Variants in RIC1 observed in about 807,000 individuals in gnomAD.
The protein encoded by RIC1 is guanine nucleotide exchange factor subunit RIC1.
A neutral mutation model predicts 169.0 loss-of-function variants in RIC1; 88 were observed. The ratio of observed to expected loss-of-function variants is 0.52; its 90% CI spans 0.44 to 0.62. RIC1 has a LOEUF of 0.62. Among genes scored for constraint, RIC1 ranks in the 20% least tolerant of loss-of-function variants. The pLI is 0.00. For missense variants in RIC1, 1,877 were observed against 1,725.5 expected, an observed-to-expected ratio of 1.09 and a Z score of -1.56; for synonymous variants, 790 against 601.5, an observed-to-expected ratio of 1.31 and a Z score of -4.59.
rs769615916 is a variant in RIC1 at position 5,690,034 on chromosome 9, C to G, written c.328C>G (p.Pro110Ala). ...GDKYLYEPVY[P>A]KGSPQMKGTP... ...CAAGTACCTTTATGAACCAGTGTAT[C>G]CCAAGTAAGTTTGTTGCCTTTCATT... Residue 110 changes from proline (P) to alanine (A), a missense_variant, in exon 3 of 26, where the codon CCC (proline) becomes GCC (alanine). Coordinates refer to ENST00000414202, the MANE Select transcript of RIC1 (RefSeq NM_020829.4). 2.5e-6 allele frequency: 4 copies of G among 1,581,708 alleles called. No homozygotes were observed. In the African/African-American group the frequency reaches 4.1e-5, roughly 16 times the overall value.
At chr9:5,648,562 A>T (rs927043606) in intron 1 of RIC1, among the ~76,000 whole-genome samples, 1 of 152,156 alleles carries the variant, frequency 6.6e-6, no homozygotes, top group Non-Finnish European at 1.5e-5. Flanking sequence ...GCTGGATCAT[A>T]TGGTAGTTCT....
intron 12 of RIC1, among the ~76,000 whole-genome samples, chr9:5,748,050 A>C (rs2131007655): frequency 6.6e-6 from 1 of 152,356 alleles, no homozygotes; most frequent in East Asian, 1.9e-4. Flanking sequence ...TTAAATTAAC[A>C]GTGTCTCACA....
At chr9:5,725,932 A>C (rs910176708) in intron 6 of RIC1, among the ~76,000 whole-genome samples, 2 of 152,154 alleles carry the variant, frequency 1.3e-5, no homozygotes, top group African/African-American at 4.8e-5. Flanking sequence ...ACAGTTGGTT[A>C]TAATTTCTGG....
At chr9:5,688,206 A>G (rs1278421090) in intron 2 of RIC1, among the ~76,000 whole-genome samples, 2 of 152,058 alleles carry the variant, frequency 1.3e-5, no homozygotes, top group South Asian at 2.1e-4. Flanking sequence ...ATTTTTCATT[A>G]TGTCTCATGT....
chr9:5,765,252 G>A, intron 19 of RIC1, 162 bp from the exon 20 acceptor site: 2 of 669,784 alleles, frequency 3.0e-6, no homozygotes, highest in Non-Finnish European at 5.1e-6. Flanking sequence ...AAGAGTACTT[G>A]CCTCGCTTTT....
rs146411263 is a variant in RIC1, at chr9:5,664,395, G to C, written c.252+7705G>C. 3.8e-3 allele frequency among the ~76,000 whole-genome samples: 582 copies of C among 151,854 alleles called. 1 individual carries two copies. Among genetic ancestry groups the C allele is most frequent in the African/African-American group, 0.013 (555 of 41,358 alleles). ...ACCACTGCACTCCAGCCTGGCAACG[G>C]AGCGAGACTCTGTCAAAAAAAAAAA... On this transcript the variant is annotated intron_variant, in intron 2 of 25. Coordinates refer to ENST00000414202, the MANE Select transcript of RIC1 (RefSeq NM_020829.4).
intron 1 of RIC1, among the ~76,000 whole-genome samples, chr9:5,649,338 A>G (rs915393819): frequency 2.6e-5 from 4 of 152,112 alleles, no homozygotes; most frequent in African/African-American, 9.7e-5. Flanking sequence ...CCAAAAATTC[A>G]AATAGATCAC....
chr9:5,666,564 G>A (rs1482237677), intron 2 of RIC1, among the ~76,000 whole-genome samples: 3 of 152,014 alleles, frequency 2.0e-5, no homozygotes, highest in Admixed American at 6.6e-5. Flanking sequence ...ATTTACTTCT[G>A]TTCTTAGTTT....
In RIC1 at chr9:5,743,624, T is replaced by C. The variant is rs1452631625; in HGVS notation, c.1047-65T>C. 8 of 1,280,146 alleles carry C rather than the reference T, an allele frequency of 6.2e-6. No individual in the cohort carries two copies. The Admixed American group carries it at 1.5e-4, about 25-fold the overall frequency. 79.3% of individuals were successfully genotyped at this position (1,280,146 alleles called of 1,614,324 possible). ...ATCCGTTTGATTTTTTAAAAAACAC[T>C]AAATTTTATGTGTATTATATGTAAT... On this transcript the variant is annotated intron_variant, in intron 9 of 25. Transcript: ENST00000414202.
At chr9:5,661,962 T>TGG (rs1819477943) in intron 2 of RIC1, among the ~76,000 whole-genome samples, 1 of 152,198 alleles carries the variant, frequency 6.6e-6, no homozygotes, top group Admixed American at 6.5e-5. Flanking sequence ...ATATTGGCTG[T>TGG]GGGTTTGTCA....
At chr9:5,677,047 G>T (rs916963742) in intron 2 of RIC1, among the ~76,000 whole-genome samples, 2 of 152,172 alleles carry the variant, frequency 1.3e-5, no homozygotes, top group African/African-American at 4.8e-5. Flanking sequence ...ATATCCATGA[G>T]TGGAACAGCT....
rs1293881559 is a variant in RIC1 at position 5,754,885 on chromosome 9, T to C, written c.1647T>C (p.Asp549=). The stretch of plus-strand genomic sequence containing the variant: ...CAGGTGGCTTAGCCTGGTGGAATGA[T>C]TTTATGGTCCTTGCGTGTTATAACA... ...IVTGGLAWWN[D]FMVLACYNIN... Residue 549 remains aspartate, a synonymous_variant, in exon 15 of 26, where the codon GAT becomes GAC. Coordinates refer to ENST00000414202, the MANE Select transcript of RIC1 (RefSeq NM_020829.4). The C allele has an allele frequency of 1.3e-6, 2 of 1,581,344 alleles. No homozygotes were observed. The highest frequency in any genetic ancestry group is 1.3e-5 in the African/African-American group (1 of 74,788).
chr9:5,727,850 G>A (rs560847405), intron 6 of RIC1, among the ~76,000 whole-genome samples: 1 of 152,340 alleles, frequency 6.6e-6, no homozygotes, highest in Admixed American at 6.5e-5. Flanking sequence ...GGAGGCTGCA[G>A]AACAGCACAT....
At chr9:5,716,825 A>T (rs1246343203) in intron 4 of RIC1, among the ~76,000 whole-genome samples, 1 of 152,172 alleles carries the variant, frequency 6.6e-6, no homozygotes, top group East Asian at 1.9e-4. Flanking sequence ...TTAACAACTG[A>T]CACCAGCTTT....
At chr9:5,646,965 A>G (rs1168733126) in intron 1 of RIC1, among the ~76,000 whole-genome samples, 3 of 152,072 alleles carry the variant, frequency 2.0e-5, no homozygotes, top group African/African-American at 7.2e-5. Context: ...AGTTTTGATC[A>G]CTTTGAGACA....
In RIC1 at chr9:5,690,048, T is replaced by C. The variant is rs1194636052; in HGVS notation, c.332+10T>C. 6.5e-7 allele frequency: 1 copy of C among 1,549,634 alleles called. No homozygotes were observed. The highest frequency in any genetic ancestry group is 2.3e-5 in the East Asian group (1 of 44,082). ...AACCAGTGTATCCCAAGTAAGTTTG[T>C]TGCCTTTCATTCTTTTAATATGTGA... On this transcript the variant is annotated intron_variant, in intron 3 of 25. Coordinates refer to ENST00000414202, the MANE Select transcript of RIC1 (RefSeq NM_020829.4).
intron 16 of RIC1, 43 bp downstream of exon 16, chr9:5,756,415 A>T (rs1298322319): frequency 3.2e-6 from 4 of 1,265,484 alleles, no homozygotes; most frequent in South Asian, 5.0e-5. Context: ...GCTCCTATTT[A>T]CCACGTTTCT....
intron 1 of RIC1, among the ~76,000 whole-genome samples, chr9:5,644,288 A>G (rs1295522818): frequency 6.6e-6 from 1 of 152,164 alleles, no homozygotes; most frequent in African/African-American, 2.4e-5. Flanking sequence ...TAGCTTTCCT[A>G]GAATTTTCAT....
chr9:5,730,637 GGGAA>G (rs1824315484), intron 6 of RIC1, among the ~76,000 whole-genome samples: 1 of 152,084 alleles, frequency 6.6e-6, no homozygotes, highest in Non-Finnish European at 1.5e-5. Context: ...TACAGTGATT[GGGAA>G]GGGCACTATT....
Sources: allele counts gnomAD v4.1 joint callset (sites outside exome capture counted in the v4.1 genomes callset), GRCh38; gene constraint gnomAD v4.1.1; transcripts MANE v1.5; gene names NCBI Gene and HGNC (gene_info 2026-07-23, HGNC 2026-07-21).